The following CCSER1 variants were observed in gnomAD, a reference collection of about 807,000 sequenced individuals.
CCSER1 encodes coiled-coil serine rich protein 1, also known as serine-rich coiled-coil domain-containing protein 1.
In CCSER1, 41 loss-of-function variants were observed where a neutral mutation model predicts 82.0. The ratio of observed to expected loss-of-function variants is 0.50; its 90% CI spans 0.39 to 0.65. The LOEUF is 0.65. Ranked by LOEUF, CCSER1 falls within the 30% of genes least tolerant of loss-of-function variation. CCSER1 has a pLI of 0.00. For missense variants in CCSER1, 1,119 were observed against 1,064.2 expected (o/e 1.05, Z -0.72); for synonymous variants, 414 against 383.9 (o/e 1.08, Z -0.92).
At chr4:91,518,191 C>T (rs773939830) in intron 10 of CCSER1, among the ~76,000 whole-genome samples, 2 of 152,162 alleles carry the variant, frequency 1.3e-5, no homozygotes, top group African/African-American at 2.4e-5. Context: ...GCAAAGGAAG[C>T]GACCTTAGCA....
Position 90,384,387 on chromosome 4 carries a change from T to C in CCSER1, c.1510-15649T>C, listed in dbSNP as rs1037343383. On this transcript the variant is annotated intron_variant, in intron 3 of 10. Coordinates refer to ENST00000509176, the MANE Select transcript of CCSER1 (RefSeq NM_001145065.2). ...AAAACAAATCACCACATGTTCTCAC[T>C]CAAAGGTGGGAATTGAACAATGAGA... 5.5e-5 allele frequency among the ~76,000 whole-genome samples: 8 copies of C among 146,334 alleles called. No homozygotes were observed. In the Admixed American group the frequency reaches 5.7e-4, roughly 10 times the overall value.
intron 9 of CCSER1, among the ~76,000 whole-genome samples, chr4:91,019,748 C>A (rs1212443706): frequency 6.6e-6 from 1 of 152,144 alleles, no homozygotes; most frequent in Non-Finnish European, 1.5e-5. Context: ...AAAATCCCCC[C>A]TGAAATGCCA....
At chr4:90,856,248 T>C (rs1402830809) in intron 8 of CCSER1, among the ~76,000 whole-genome samples, 2 of 152,150 alleles carry the variant, frequency 1.3e-5, no homozygotes, top group Non-Finnish European at 2.9e-5. Context: ...TTGTTTAAGC[T>C]GATGTTGATT....
chr4:90,263,609 C>T (rs1287102468), intron 1 of CCSER1, among the ~76,000 whole-genome samples: 1 of 152,112 alleles, frequency 6.6e-6, no homozygotes, highest in Non-Finnish European at 1.5e-5. Flanking sequence ...GTTATTCTAC[C>T]TAGAGATGCT....
At chr4:91,401,376 T>C (rs999231419) in intron 10 of CCSER1, among the ~76,000 whole-genome samples, 3 of 148,300 alleles carry the variant, frequency 2.0e-5, no homozygotes, top group Admixed American at 6.8e-5. Flanking sequence ...TTATATATAA[T>C]ATAACATATC....
At chr4:90,401,179 G>A (rs115903078) in intron 4 of CCSER1, among the ~76,000 whole-genome samples, 1,547 of 151,920 alleles carry the variant, frequency 0.01, 17 homozygotes, top group South Asian at 0.03. Context: ...AAATTTTTTC[G>A]GTTGAATACC....
At chr4:90,927,531 A>G (rs774768736) in intron 9 of CCSER1, among the ~76,000 whole-genome samples, 3 of 152,018 alleles carry the variant, frequency 2.0e-5, no homozygotes, top group Non-Finnish European at 4.4e-5. Flanking sequence ...AATAAAGCAT[A>G]AATCAGTTTG....
At chr4:90,725,324 A>G (rs916233022) in intron 7 of CCSER1, among the ~76,000 whole-genome samples, 2 of 151,634 alleles carry the variant, frequency 1.3e-5, no homozygotes, top group African/African-American at 4.8e-5. Context: ...AAGGTTAGAC[A>G]TATTTCAGAA....
At chr4:91,081,206 C>A (rs1722691038) in intron 9 of CCSER1, among the ~76,000 whole-genome samples, 1 of 152,160 alleles carries the variant, frequency 6.6e-6, no homozygotes, top group South Asian at 2.1e-4. Context: ...AAAGCTTATC[C>A]ACCACGATCA....
At chr4:91,381,648 A>G (rs1397989262) in intron 10 of CCSER1, among the ~76,000 whole-genome samples, 2 of 152,066 alleles carry the variant, frequency 1.3e-5, no homozygotes, top group African/African-American at 4.8e-5. Flanking sequence ...CATTCGTCTA[A>G]TCTTTTTTCA....
intron 10 of CCSER1, among the ~76,000 whole-genome samples, chr4:91,169,201 T>TAAAAAAA (rs57715555): frequency 8.1e-6 from 1 of 122,990 alleles, no homozygotes; most frequent in Non-Finnish European, 1.7e-5. Context: ...CAATAAATAC[T>TAAAAAAA]AAAAAAAAAA....
chr4:90,265,278 C>T (rs970925800), intron 1 of CCSER1, among the ~76,000 whole-genome samples: 2 of 151,658 alleles, frequency 1.3e-5, no homozygotes, highest in Non-Finnish European at 3.0e-5. Flanking sequence ...AATGTGCTTT[C>T]ATAGAAAGTA....
intron 5 of CCSER1, among the ~76,000 whole-genome samples, chr4:90,575,884 C>T (rs937128143): frequency 6.6e-6 from 1 of 152,066 alleles, no homozygotes; most frequent in African/African-American, 2.4e-5. Flanking sequence ...ACACTTCTGT[C>T]TTCACTCTCA....
chr4:90,843,943 A>AT (rs1280044851), intron 8 of CCSER1, among the ~76,000 whole-genome samples: 3 of 151,988 alleles, frequency 2.0e-5, no homozygotes, highest in African/African-American at 4.8e-5. Flanking sequence ...TAAAATGTAT[A>AT]TTTTTTATAT....
chr4:90,293,943 T>C (rs1258927233), intron 1 of CCSER1, among the ~76,000 whole-genome samples: 1 of 151,998 alleles, frequency 6.6e-6, no homozygotes, highest in Non-Finnish European at 1.5e-5. Flanking sequence ...TCTATTGTGG[T>C]TTATTGTTTG....
chr4:90,990,057 G>T (rs994878868), intron 9 of CCSER1, among the ~76,000 whole-genome samples: 1 of 151,824 alleles, frequency 6.6e-6, no homozygotes, highest in African/African-American at 2.4e-5. Context: ...TTAAGAGATT[G>T]TGTGACATTA....
chr4:90,827,734 G>A (rs1316904694), intron 8 of CCSER1, among the ~76,000 whole-genome samples: 3 of 152,052 alleles, frequency 2.0e-5, no homozygotes, highest in African/African-American at 7.2e-5. Context: ...GTAGGGGAGG[G>A]AAGAATTTTC....
At chr4:90,136,780 T>G (rs1451381667) in intron 1 of CCSER1, among the ~76,000 whole-genome samples, 1 of 152,168 alleles carries the variant, frequency 6.6e-6, no homozygotes, top group East Asian at 1.9e-4. Flanking sequence ...GAGTGCTTCT[T>G]GATAATAGAC....
intron 6 of CCSER1, among the ~76,000 whole-genome samples, chr4:90,717,413 C>G (rs571711623): frequency 2.6e-5 from 4 of 152,018 alleles, no homozygotes; most frequent in Non-Finnish European, 4.4e-5. Flanking sequence ...AAGATGTGAC[C>G]GGAATGGAAA....
Sources: allele counts gnomAD v4.1 joint callset (sites outside exome capture counted in the v4.1 genomes callset), GRCh38; gene constraint gnomAD v4.1.1; transcripts MANE v1.5; gene names NCBI Gene and HGNC (gene_info 2026-07-23, HGNC 2026-07-21).